The following MAP4K4 variants were observed in gnomAD, a reference collection of about 807,000 sequenced individuals.
The protein encoded by MAP4K4 is HPK/GCK-like kinase HGK.
A neutral mutation model predicts 189.6 loss-of-function variants in MAP4K4; 38 were observed. That is an observed-to-expected ratio of 0.20 (90% CI 0.15 to 0.26). MAP4K4 has a LOEUF of 0.26. MAP4K4 is among the 10% of genes least tolerant of loss of function. The probability of loss-of-function intolerance (pLI) is 1.00; values close to 1 mark genes in which losing one functional copy is unlikely to be tolerated. For missense variants in MAP4K4, 1,054 were observed against 1,726.9 expected (o/e 0.61, Z 6.91); for synonymous variants, 610 against 624.3 (o/e 0.98, Z 0.34).
chr2:101,756,488 G>A (rs942966738), intron 2 of MAP4K4, among the ~76,000 whole-genome samples: 1 of 152,166 alleles, frequency 6.6e-6, no homozygotes, highest in Admixed American at 6.5e-5. Context: ...GGTCATTAGT[G>A]ACAGGACTGG....
intron 2 of MAP4K4, among the ~76,000 whole-genome samples, chr2:101,746,412 T>C (rs894150410): frequency 6.6e-6 from 1 of 152,104 alleles, no homozygotes. Flanking sequence ...TCATGTTTTG[T>C]AAGTTTAATA....
intron 12 of MAP4K4, among the ~76,000 whole-genome samples, chr2:101,846,474 A>C (rs1005182467): frequency 5.9e-5 from 9 of 152,180 alleles, no homozygotes; most frequent in African/African-American, 2.2e-4. Context: ...TAACACAGGC[A>C]CTGGAAATGT....
intron 28 of MAP4K4, among the ~76,000 whole-genome samples, chr2:101,883,754 C>A (rs1277086385): frequency 6.6e-6 from 1 of 151,754 alleles, no homozygotes; most frequent in Non-Finnish European, 1.5e-5. Flanking sequence ...TTCCTCTGTT[C>A]CGAGGGATGT....
Position 101,723,406 on chromosome 2 carries a change from T to C in MAP4K4, c.123+24868T>C, listed in dbSNP as rs191289266. Reference sequence around the variant, plus strand: ...ATGTTTAGATGCATATCTTACATGGTAAGGGTAAGAAAAATAGGCTTTGGA... The same window carrying C: ...ATGTTTAGATGCATATCTTACATGGCAAGGGTAAGAAAAATAGGCTTTGGA... On this transcript the variant is annotated intron_variant, in intron 2 of 32. Transcript: ENST00000324219. 5.9e-4 allele frequency among the ~76,000 whole-genome samples: 90 copies of C among 152,342 alleles called. 2 individuals carry two copies. The highest frequency in any genetic ancestry group is 5.4e-3 in the Admixed American group (82 of 15,302).
At chr2:101,869,196 GTC>G (rs1248915024) in intron 21 of MAP4K4, among the ~76,000 whole-genome samples, 2 of 151,714 alleles carry the variant, frequency 1.3e-5, no homozygotes, top group Non-Finnish European at 2.9e-5. Context: ...ATAAAAATGT[GTC>G]TCTCAAAACC....
intron 25 of MAP4K4, 21 bp downstream of exon 25, chr2:101,873,785 A>G (rs747816206): frequency 2.0e-6 from 3 of 1,512,924 alleles, no homozygotes. Flanking sequence ...TAGCAACAAG[A>G]AAGCAGCTGA....
intron 2 of MAP4K4, among the ~76,000 whole-genome samples, chr2:101,777,871 C>A (rs1298559678): frequency 2.0e-5 from 3 of 152,140 alleles, no homozygotes; most frequent in Admixed American, 1.3e-4. Context: ...GCCACACTTG[C>A]AAGAAGTGAA....
chr2:101,867,435 A>G (rs2097849184), intron 20 of MAP4K4, 126 bp downstream of exon 20: 3 of 670,936 alleles, frequency 4.5e-6, no homozygotes, highest in Admixed American at 5.3e-5. Context: ...AGGAATTATA[A>G]GGAATGACCT....
chr2:101,790,573 G>A (rs2092700391), intron 2 of MAP4K4, 147 bp from the exon 3 acceptor site: 1 of 632,812 alleles, frequency 1.6e-6, no homozygotes, highest in South Asian at 1.8e-5. Flanking sequence ...TTGTATTGGA[G>A]AGCACAGGAC....
intron 2 of MAP4K4, among the ~76,000 whole-genome samples, chr2:101,769,767 A>T (rs1045423056): frequency 6.6e-6 from 1 of 151,918 alleles, no homozygotes; most frequent in African/African-American, 2.4e-5. Flanking sequence ...TTTTTAGTAG[A>T]GACGAGGTTT....
chr2:101,808,478 C>T (rs1253623224), intron 3 of MAP4K4, among the ~76,000 whole-genome samples: 2 of 151,998 alleles, frequency 1.3e-5, no homozygotes, highest in African/African-American at 4.8e-5. Context: ...TTTGACTTTA[C>T]TGGTTACTTC....
At chr2:101,698,399 C>G in intron 1 of MAP4K4, 74 bp from the exon 2 acceptor site, 1 of 1,361,122 alleles carries the variant, frequency 7.3e-7, no homozygotes, top group Admixed American at 1.7e-5. Flanking sequence ...CCTTTTCTCT[C>G]CAACTGCCTT....
chr2:101,815,381 G>A (rs888801936), intron 3 of MAP4K4, among the ~76,000 whole-genome samples: 1 of 152,120 alleles, frequency 6.6e-6, no homozygotes. Flanking sequence ...TTGGGTGTCA[G>A]GTTCCTTCAT....
intron 3 of MAP4K4, among the ~76,000 whole-genome samples, chr2:101,818,622 C>CAT (rs1177064182): frequency 1.3e-5 from 2 of 152,216 alleles, no homozygotes; most frequent in Non-Finnish European, 2.9e-5. Flanking sequence ...ACAAAACACT[C>CAT]ATACCATGCA....
chr2:101,703,736 G>A lies in MAP4K4; in HGVS notation c.123+5198G>A, dbSNP rs150591129. ...TGGCTTTTAAAAATCATTAGGGGCC[G>A]GGCACGGTGGCTCACACCTGTAATC... is the stretch of plus-strand genomic sequence containing the variant. On this transcript the variant is annotated intron_variant, in intron 2 of 32. Coordinates refer to ENST00000324219, the Ensembl canonical transcript of MAP4K4. Among the ~76,000 whole-genome samples, 83 of 151,748 alleles carry A rather than the reference G, an allele frequency of 5.5e-4. No individual in the cohort carries two copies. The East Asian group carries it at 7.0e-3, about 13-fold the overall frequency.
intron 3 of MAP4K4, among the ~76,000 whole-genome samples, chr2:101,798,675 G>A (rs11887131): frequency 0.098 from 14,906 of 152,168 alleles, 1,219 homozygotes; most frequent in African/African-American, 0.23. Context: ...CTAACAAGAT[G>A]CAATGCTATA....
At chr2:101,881,506 A>C (rs533993620) in intron 27 of MAP4K4, among the ~76,000 whole-genome samples, 2 of 152,188 alleles carry the variant, frequency 1.3e-5, no homozygotes, top group Non-Finnish European at 1.5e-5. Context: ...CAGTCCTTGT[A>C]CCTTTTATTT....
chr2:101,725,871 G>A (rs566666072), intron 2 of MAP4K4, among the ~76,000 whole-genome samples: 1 of 152,284 alleles, frequency 6.6e-6, no homozygotes, highest in African/African-American at 2.4e-5. Context: ...TTGATGTGGT[G>A]GGTTCCGTCT....
In MAP4K4 at chr2:101,707,993, G is replaced by T. The variant is rs757906574; in HGVS notation, c.123+9455G>T. ...TGGGATTACAGGTGTGAGCCATCGC[G>T]CCCAGCCCACGTCCAGCTAATTTTT... On this transcript the variant is annotated intron_variant, in intron 2 of 32. Transcript: ENST00000324219. Among the ~76,000 whole-genome samples, 4 of 151,612 alleles carry T rather than the reference G, an allele frequency of 2.6e-5. No individual in the cohort carries two copies. In the East Asian group the frequency reaches 7.8e-4, roughly 29 times the overall value.
Sources: allele counts gnomAD v4.1 joint callset (sites outside exome capture counted in the v4.1 genomes callset), GRCh38; gene constraint gnomAD v4.1.1; transcripts MANE v1.5; gene names NCBI Gene and HGNC (gene_info 2026-07-23, HGNC 2026-07-21).